HAO1: variants seen among roughly 807,000 people sequenced by gnomAD.
HAO1 encodes hydroxyacid oxidase 1, also known as 2-Hydroxyacid oxidase 1.
A neutral mutation model predicts 39.7 loss-of-function variants in HAO1; 34 were observed. That is an observed-to-expected ratio of 0.86 (90% CI 0.65 to 1.14). The LOEUF is 1.14. Ranked by LOEUF, HAO1 falls within the 50% of genes most tolerant of loss-of-function variation. The pLI, the probability that HAO1 is intolerant of heterozygous loss-of-function variation, is 0.00. For missense variants in HAO1, 479 were observed against 464.5 expected, an observed-to-expected ratio of 1.03 and a Z score of -0.29; for synonymous variants, 172 against 173.2, an observed-to-expected ratio of 0.99 and a Z score of 0.05.
intron 2 of HAO1, among the ~76,000 whole-genome samples, chr20:7,917,106 A>C (rs895655124): frequency 6.6e-6 from 1 of 152,054 alleles, no homozygotes. Flanking sequence ...TTGGGAGGCC[A>C]AGGTAGGCAG....
At chr20:7,908,604 A>G (rs2050260472) in intron 3 of HAO1, among the ~76,000 whole-genome samples, 1 of 152,146 alleles carries the variant, frequency 6.6e-6, no homozygotes, top group Non-Finnish European at 1.5e-5. Context: ...AATTCAAGCT[A>G]TTAACAAGGC....
intron 4 of HAO1, among the ~76,000 whole-genome samples, chr20:7,900,082 A>G (rs1164596154): frequency 6.6e-6 from 1 of 152,204 alleles, no homozygotes; most frequent in Non-Finnish European, 1.5e-5. Context: ...AGAGGAGAGT[A>G]GTAACTAAAT....
chr20:7,920,496 C>A (rs2050325893), intron 2 of HAO1, among the ~76,000 whole-genome samples: 1 of 152,090 alleles, frequency 6.6e-6, no homozygotes, highest in African/African-American at 2.4e-5. Flanking sequence ...GGACACCATG[C>A]AGTACAATAG....
At chr20:7,884,915 C>T (rs2050143915) in intron 7 of HAO1, among the ~76,000 whole-genome samples, 1 of 152,080 alleles carries the variant, frequency 6.6e-6, no homozygotes, top group Non-Finnish European at 1.5e-5. Context: ...GACGTGCCCA[C>T]CCACAATGTC....
chr20:7,929,394 T>A (rs1040750723), intron 2 of HAO1, among the ~76,000 whole-genome samples: 4 of 152,186 alleles, frequency 2.6e-5, no homozygotes, highest in African/African-American at 9.6e-5. Flanking sequence ...GAGCTCTTAT[T>A]CATCCAGGGT....
chr20:7,917,235 G>A (rs2050310965), intron 2 of HAO1, among the ~76,000 whole-genome samples: 1 of 151,576 alleles, frequency 6.6e-6, no homozygotes, highest in Non-Finnish European at 1.5e-5. Flanking sequence ...AGCTACTCAG[G>A]CGACTGAAGC....
In HAO1 at chr20:7,936,503, CGTGTGTGTGTGT is replaced by C. The variant is rs71183082; in HGVS notation, c.138-1880_138-1869del. Among the ~76,000 whole-genome samples the C allele has an allele frequency of 2.7e-4, 29 of 109,164 alleles. 1 individual carries two copies. The highest frequency in any genetic ancestry group is 1.4e-3 in the East Asian group (5 of 3,524). 71.6% of individuals were successfully genotyped at this position (109,164 alleles called of 152,430 possible). ...ACAAGCAAATCTGCAGGGCAGCAGC[CGTGTGTGTGTGT>C]GTGTGTGTGTGTGTGTGTGTGTGTG... On this transcript the variant is annotated intron_variant, in intron 1 of 7. Transcript: ENST00000378789.
At chr20:7,936,210 A>G (rs966164715) in intron 1 of HAO1, among the ~76,000 whole-genome samples, 1 of 152,164 alleles carries the variant, frequency 6.6e-6, no homozygotes, top group Non-Finnish European at 1.5e-5. Context: ...TCCTTTGAAC[A>G]TTATAATTGT....
At chr20:7,922,415 A>G (rs2050337727) in intron 2 of HAO1, among the ~76,000 whole-genome samples, 1 of 152,118 alleles carries the variant, frequency 6.6e-6, no homozygotes, top group Non-Finnish European at 1.5e-5. Flanking sequence ...ATTCTTCTAC[A>G]ATGATTTTGA....
rs770711939 is a variant in HAO1 at position 7,895,184 on chromosome 20, C to T, written c.762G>A (p.Gly254=). 2.5e-6 allele frequency: 4 copies of T among 1,612,686 alleles called. No homozygotes were observed. In the African/African-American group the frequency reaches 5.3e-5, roughly 22 times the overall value. ...GAGCCCCATGATTCGACACCAAGATCCCATTCAAGCCATGTTTAACAGCCT... is the reference window on the plus strand; with the variant it reads ...GAGCCCCATGATTCGACACCAAGATTCCATTCAAGCCATGTTTAACAGCCT... The part of the protein sequence containing the change: ...AREAVKHGLN[G]ILVSNHGARQ... The change falls in exon 5 of 8, where the codon GGG becomes GGA. Residue 254 remains glycine (G), a synonymous_variant. Transcript: ENST00000378789.
rs575756400 is a variant in HAO1 at position 7,925,887 on chromosome 20, T to C, written c.289+8597A>G. On this transcript the variant is annotated intron_variant, in intron 2 of 7. Coordinates refer to ENST00000378789, the MANE Select transcript of HAO1 (RefSeq NM_017545.3). ...ATATGGCTAGATTCTAATTTTTTAATAGGTGTTTTAATCAACAATCTTGTT... is the reference window on the plus strand; with the variant it reads ...ATATGGCTAGATTCTAATTTTTTAACAGGTGTTTTAATCAACAATCTTGTT... Among the ~76,000 whole-genome samples the C allele has an allele frequency of 2.2e-3, 332 of 152,312 alleles. 4 individuals carry two copies. The highest frequency in any genetic ancestry group is 7.5e-3 in the African/African-American group (313 of 41,570).
At position 7,898,710 on chromosome 20, in the gene HAO1, C is replaced by A. The variant is rs151281517; in HGVS notation, c.722-3486G>T. Among the ~76,000 whole-genome samples the A allele has an allele frequency of 2.7e-3, 410 of 152,212 alleles. 2 individuals carry two copies. The highest frequency in any genetic ancestry group is 0.013 in the Admixed American group (198 of 15,286). On this transcript the variant is annotated intron_variant, in intron 4 of 7. Transcript: ENST00000378789. ...GATATGTGGCAGTGTGACTAAGAAACTGGAATTTTGCCTCTATTTCATTTT... is the reference window on the plus strand; with the variant it reads ...GATATGTGGCAGTGTGACTAAGAAAATGGAATTTTGCCTCTATTTCATTTT...
At chr20:7,938,755 G>T (rs2122806155) in intron 1 of HAO1, among the ~76,000 whole-genome samples, 1 of 152,280 alleles carries the variant, frequency 6.6e-6, no homozygotes, top group Non-Finnish European at 1.5e-5. Flanking sequence ...CCAGGGGAAT[G>T]TAAGTTCCTA....
chr20:7,939,269 A>T (rs1436626973), intron 1 of HAO1, among the ~76,000 whole-genome samples: 1 of 152,212 alleles, frequency 6.6e-6, no homozygotes, highest in Non-Finnish European at 1.5e-5. Flanking sequence ...GAGAGGCCGT[A>T]TCCTTCACCC....
At chr20:7,938,943 A>G (rs1430819493) in intron 1 of HAO1, among the ~76,000 whole-genome samples, 6 of 152,200 alleles carry the variant, frequency 3.9e-5, no homozygotes, top group Admixed American at 3.9e-4. Context: ...GAGGTCTAGC[A>G]ATGCTGAGAC....
intron 2 of HAO1, among the ~76,000 whole-genome samples, chr20:7,932,968 A>C (rs956345788): frequency 6.6e-6 from 1 of 152,170 alleles, no homozygotes; most frequent in Non-Finnish European, 1.5e-5. Flanking sequence ...ACACTGTTTG[A>C]AATGCACATT....
chr20:7,937,849 A>C lies in HAO1; in HGVS notation c.137+2437T>G, dbSNP rs530754705. Among the ~76,000 whole-genome samples, 6 of 152,228 alleles carry C rather than the reference A, an allele frequency of 3.9e-5. No individual in the cohort carries two copies. In the East Asian group the frequency reaches 1.2e-3, roughly 29 times the overall value. ...AATTTTGTTCTGGGTGGTTCCATTT[A>C]CTTGTCCTTTTAAACATTTTTTTCT... On this transcript the variant is annotated intron_variant, in intron 1 of 7. Transcript: ENST00000378789.
chr20:7,895,280 G>T (rs1321427422), intron 4 of HAO1, 56 bp from the exon 5 acceptor site: 2 of 1,086,366 alleles, frequency 1.8e-6, no homozygotes, highest in African/African-American at 3.1e-5. Context: ...GGCAGCTTGG[G>T]TTTAGAGGCC....
intron 5 of HAO1, among the ~76,000 whole-genome samples, chr20:7,891,833 A>C (rs2050175611): frequency 6.6e-6 from 1 of 152,154 alleles, no homozygotes; most frequent in Non-Finnish European, 1.5e-5. Flanking sequence ...CAGTAGATTT[A>C]TATTTAATTT....
Sources: allele counts gnomAD v4.1 joint callset (sites outside exome capture counted in the v4.1 genomes callset), GRCh38; gene constraint gnomAD v4.1.1; transcripts MANE v1.5; gene names NCBI Gene and HGNC (gene_info 2026-07-23, HGNC 2026-07-21).